Variants in FBXO40 observed in about 807,000 individuals in gnomAD.
FBXO40 encodes the protein F-box protein 40.
A neutral mutation model predicts 49.9 loss-of-function variants in FBXO40; 50 were observed. The ratio of observed to expected loss-of-function variants is 1.00; its 90% CI spans 0.80 to 1.27. The LOEUF (loss-of-function observed/expected upper bound fraction) is 1.27, where lower values mean the gene tolerates loss of function less well. Ranked by LOEUF, FBXO40 falls within the 50% of genes most tolerant of loss-of-function variation. The probability of loss-of-function intolerance (pLI) is 0.00; values close to 1 mark genes in which losing one functional copy is unlikely to be tolerated. For missense variants in FBXO40, 895 were observed against 870.1 expected, an observed-to-expected ratio of 1.03 and a Z score of -0.36; for synonymous variants, 340 against 320.2, an observed-to-expected ratio of 1.06 and a Z score of -0.66.
chr3:121,626,765 A>G lies in FBXO40; in HGVS notation c.1985A>G (p.Glu662Gly). ...WEFNEVTSMS[E>G]HLKSCPFNIV... ...TTTAATGAAGTCACCTCCATGTCTGAGCACCTGAAGTCCTGTCCTTTCAAC... is the reference window on the plus strand; with the variant it reads ...TTTAATGAAGTCACCTCCATGTCTGGGCACCTGAAGTCCTGTCCTTTCAAC... Residue 662 changes from glutamate (E) to glycine (G), a missense_variant, in exon 4 of 4, where the codon GAG becomes GGG. Physicochemically the swap from Glu to Gly is moderately conservative, Grantham distance 98. Coordinates refer to ENST00000338040, the MANE Select transcript of FBXO40 (RefSeq NM_016298.4). The G allele has an allele frequency of 6.2e-7, 1 of 1,614,184 alleles. No homozygotes were observed. The highest frequency in any genetic ancestry group is 8.5e-7 in the Non-Finnish European group (1 of 1,180,030).
intron 1 of FBXO40, among the ~76,000 whole-genome samples, chr3:121,596,852 G>A (rs1337940832): frequency 1.3e-5 from 2 of 151,636 alleles, no homozygotes; most frequent in Admixed American, 6.6e-5. Context: ...AATTACTCTC[G>A]CAGCTTTTAA....
chr3:121,593,675 T>C (rs2048855312), intron 1 of FBXO40, among the ~76,000 whole-genome samples, 173 bp downstream of exon 1: 1 of 152,202 alleles, frequency 6.6e-6, no homozygotes, highest in African/African-American at 2.4e-5. Context: ...TCCAGCCGTG[T>C]GTAAATTTCT....
chr3:121,622,068 C>G lies in FBXO40; in HGVS notation c.639C>G (p.Val213=), dbSNP rs747835644. The change falls in exon 3 of 4, where the codon GTC becomes GTG. Residue 213 remains valine (V), a synonymous_variant. Transcript: ENST00000338040. ...LAKTKEGMDL[V]KFGQWENIFS... is the part of the protein sequence containing the mutation. The stretch of plus-strand genomic sequence containing the variant: ...AAACCAAAGAAGGGATGGACCTGGT[C>G]AAGTTTGGCCAGTGGGAAAATATTT... The G allele has an allele frequency of 6.2e-7, 1 of 1,614,150 alleles. No individual in the cohort carries two copies. Among genetic ancestry groups the G allele is most frequent in the Admixed American group, 1.7e-5 (1 of 60,018 alleles).
intron 1 of FBXO40, among the ~76,000 whole-genome samples, chr3:121,595,636 C>T (rs1353179709): frequency 1.3e-5 from 2 of 152,120 alleles, no homozygotes; most frequent in African/African-American, 2.4e-5. Context: ...ATCGCAGCGT[C>T]GAAGCCAAGG....
In FBXO40 at chr3:121,627,312, C is replaced by A; in HGVS notation, c.*402C>A. 1 of 186,186 alleles carries A rather than the reference C, an allele frequency of 5.4e-6. No homozygotes were observed. The highest frequency in any genetic ancestry group is 1.2e-4 in the South Asian group (1 of 8,542). The allele number at this position is 186,186 out of a possible 1,614,324, so 11.5% of individuals were successfully genotyped here. A position where few individuals can be genotyped will look rare whatever the true frequency, so the allele number is the denominator to read the frequency against. On this transcript the variant is annotated 3_prime_UTR_variant, in exon 4 of 4. Coordinates refer to ENST00000338040, the MANE Select transcript of FBXO40 (RefSeq NM_016298.4). ...GGCTTTTTAGTTCACAAAGCACTTT[C>A]AAATTTATGGGACAGGAAATGCAGG...
intron 1 of FBXO40, among the ~76,000 whole-genome samples, chr3:121,604,951 TTTATTTATTTATTTATTTATTTA>T (rs1415547200): frequency 1.7e-4 from 26 of 150,202 alleles, no homozygotes; most frequent in South Asian, 1.3e-3. Flanking sequence ...TATTTATTTA[TTTATTTATTTATTTATTTATTTA>T]TTATTTATTT....
At chr3:121,606,384 C>T (rs1447239339) in intron 1 of FBXO40, among the ~76,000 whole-genome samples, 1 of 152,174 alleles carries the variant, frequency 6.6e-6, no homozygotes, top group Admixed American at 6.5e-5. Flanking sequence ...AACTGTGAAT[C>T]CCTTGCAGTT....
At chr3:121,623,809 C>A (rs534627130) in intron 3 of FBXO40, among the ~76,000 whole-genome samples, 1 of 151,642 alleles carries the variant, frequency 6.6e-6, no homozygotes, top group East Asian at 1.9e-4. Flanking sequence ...CTGCCTCAGC[C>A]TCCCAAGTAG....
intron 1 of FBXO40, among the ~76,000 whole-genome samples, chr3:121,607,233 C>G (rs955232581): frequency 1.4e-5 from 2 of 146,506 alleles, no homozygotes; most frequent in African/African-American, 5.0e-5. Context: ...CCATTGCACT[C>G]CAGCTTGGGC....
At position 121,629,402 on chromosome 3, in the gene FBXO40, G is replaced by A. The variant is rs576312651; in HGVS notation, c.*2492G>A. 8.5e-5 allele frequency: 13 copies of A among 152,304 alleles called. No individual in the cohort carries two copies. In the South Asian group the frequency reaches 1.9e-3, roughly 22 times the overall value. 9.4% of individuals were successfully genotyped at this position (152,304 alleles called of 1,614,324 possible). A position where few individuals can be genotyped will look rare whatever the true frequency, so the allele number is the denominator to read the frequency against. The stretch of plus-strand genomic sequence containing the variant: ...AAGAGAGTTGTCCAGGTGGTAGTTC[G>A]ACGTGTTTTGAATCTAGTCCTTCCT... On this transcript the variant is annotated 3_prime_UTR_variant, in exon 4 of 4. Coordinates refer to ENST00000338040, the MANE Select transcript of FBXO40 (RefSeq NM_016298.4).
intron 1 of FBXO40, among the ~76,000 whole-genome samples, chr3:121,612,160 C>A (rs1380031580): frequency 6.6e-6 from 1 of 152,080 alleles, no homozygotes. Context: ...CCTCTAAAAA[C>A]CAGCTGAATT....
rs1459042616 is a variant in FBXO40, at chr3:121,621,804, G to A, written c.375G>A (p.Leu125=). ...IMKETPSEEC[L]DTALALQDQK... is the part of the protein sequence containing the mutation. ...AAGAGACCCCCAGTGAGGAGTGTTTGGACACAGCCCTGGCCCTGCAGGATC... is the reference window on the plus strand; with the variant it reads ...AAGAGACCCCCAGTGAGGAGTGTTTAGACACAGCCCTGGCCCTGCAGGATC... Residue 125 remains leucine, a synonymous_variant, in exon 3 of 4, where the codon TTG becomes TTA. Coordinates refer to ENST00000338040, the MANE Select transcript of FBXO40 (RefSeq NM_016298.4). 6.2e-7 allele frequency: 1 copy of A among 1,614,206 alleles called. No individual in the cohort carries two copies. The highest frequency in any genetic ancestry group is 1.7e-5 in the Admixed American group (1 of 60,018).
chr3:121,605,244 T>C (rs2108845833), intron 1 of FBXO40, among the ~76,000 whole-genome samples: 1 of 152,288 alleles, frequency 6.6e-6, no homozygotes, highest in Admixed American at 6.5e-5. Flanking sequence ...CCTGGCTGGC[T>C]TTTTTAAATA....
intron 1 of FBXO40, among the ~76,000 whole-genome samples, chr3:121,618,082 C>T (rs544925107): frequency 1.3e-5 from 2 of 152,104 alleles, no homozygotes; most frequent in Admixed American, 6.5e-5. Context: ...TACCCTAATT[C>T]GATCATTCCA....
At position 121,623,214 on chromosome 3, in the gene FBXO40, G is replaced by A; in HGVS notation, c.1785G>A (p.Gln595=). Residue 595 remains glutamine, a synonymous_variant, in exon 3 of 4, where the codon CAG becomes CAA. Coordinates refer to ENST00000338040, the MANE Select transcript of FBXO40 (RefSeq NM_016298.4). ...TCTTGGACAGCGTCAGCCTGGCCCA[G>A]CTCTCCCAGGTGTCTGTGCTGATGA... The part of the protein sequence containing the change: ...AGFLDSVSLA[Q]LSQVSVLMRN... The A allele has an allele frequency of 1.2e-6, 2 of 1,614,210 alleles. No individual in the cohort carries two copies. The highest frequency in any genetic ancestry group is 2.2e-5 in the East Asian group (1 of 44,892).
chr3:121,624,377 G>A (rs1460901365), intron 3 of FBXO40, among the ~76,000 whole-genome samples: 1 of 152,190 alleles, frequency 6.6e-6, no homozygotes, highest in Non-Finnish European at 1.5e-5. Flanking sequence ...CAGTTTAGTA[G>A]AAAAGACAGA....
At chr3:121,609,017 T>A (rs1053484025) in intron 1 of FBXO40, among the ~76,000 whole-genome samples, 6 of 152,082 alleles carry the variant, frequency 3.9e-5, no homozygotes, top group Admixed American at 6.5e-5. Flanking sequence ...GAACCTCACA[T>A]ACAGACTTGA....
chr3:121,624,332 A>C (rs2049050959), intron 3 of FBXO40, among the ~76,000 whole-genome samples: 3 of 152,092 alleles, frequency 2.0e-5, no homozygotes, highest in Non-Finnish European at 4.4e-5. Flanking sequence ...TAGGCATGGG[A>C]ACAGTTGCTG....
intron 1 of FBXO40, among the ~76,000 whole-genome samples, chr3:121,614,053 G>A (rs1228814426): frequency 6.6e-6 from 1 of 152,132 alleles, no homozygotes; most frequent in Admixed American, 6.5e-5. Context: ...CAGATCACAA[G>A]GTCAAGAGAT....
Sources: gnomAD v4.1 joint callset for allele counts (sites outside exome capture counted in the v4.1 genomes callset) on GRCh38, gnomAD v4.1.1 for gene constraint, MANE v1.5 for transcripts, NCBI Gene and HGNC (gene_info 2026-07-23, HGNC 2026-07-21) for gene names.